TAB2: variants seen among roughly 807,000 people sequenced by gnomAD.
TAB2 encodes the protein TGF-beta-activated kinase 1 and MAP3K7-binding protein 2.
Under a neutral mutation model 65.0 loss-of-function variants are expected in TAB2, and 3 were observed. The observed-to-expected ratio is 0.05, with a 90% CI of 0.02 to 0.12. TAB2 has a LOEUF of 0.12. Among genes scored for constraint, TAB2 ranks in the 10% least tolerant of loss-of-function variants. TAB2 has a pLI of 1.00. For synonymous variants in TAB2, 298 were observed against 285.1 expected (o/e 1.05, Z -0.46); for missense variants, 623 against 840.3 (o/e 0.74, Z 3.20).
chr6:149,360,670 A>AT (rs1780815413), intron 1 of TAB2, among the ~76,000 whole-genome samples: 1 of 152,198 alleles, frequency 6.6e-6, no homozygotes, highest in Middle Eastern at 3.2e-3. Context: ...ATTTCAAAAT[A>AT]TAATCATTCC....
intron 1 of TAB2, among the ~76,000 whole-genome samples, chr6:149,252,650 C>G (rs1777885225): frequency 6.6e-6 from 1 of 152,136 alleles, no homozygotes; most frequent in South Asian, 2.1e-4. Context: ...GATTAAATAT[C>G]TTGACGCCCC....
intron 1 of TAB2, among the ~76,000 whole-genome samples, chr6:149,326,922 A>T (rs1214787230): frequency 1.3e-5 from 2 of 152,210 alleles, no homozygotes; most frequent in East Asian, 1.9e-4. Flanking sequence ...AGAAAACCTA[A>T]CATTTTCACA....
chr6:149,306,423 A>G (rs799385), intron 1 of TAB2, among the ~76,000 whole-genome samples: 62,561 of 151,310 alleles, frequency 0.41, 14,863 homozygotes, highest in African/African-American at 0.67. Flanking sequence ...GGTGGCGGGC[A>G]CCTGTAGTCC....
At chr6:149,400,944 A>G (rs1782384095) in intron 6 of TAB2, 1 of 429,036 alleles carries the variant, frequency 2.3e-6, no homozygotes, top group Non-Finnish European at 4.2e-6. Flanking sequence ...ATGGGAAAAA[A>G]TACTGATTCT....
intron 1 of TAB2, among the ~76,000 whole-genome samples, chr6:149,324,059 A>G (rs1779528969): frequency 6.6e-6 from 1 of 152,192 alleles, no homozygotes. Flanking sequence ...CAGTATAAGA[A>G]TTTGTAGTAT....
intron 1 of TAB2, among the ~76,000 whole-genome samples, chr6:149,328,866 G>A (rs1779696867): frequency 6.6e-6 from 1 of 152,138 alleles, no homozygotes; most frequent in South Asian, 2.1e-4. Flanking sequence ...GGATATGACA[G>A]GGAAATCTTC....
In TAB2 at chr6:149,400,289, C is replaced by T. The variant is rs1447553913; in HGVS notation, c.1939+1105C>T. 7.6e-6 allele frequency: 10 copies of T among 1,317,632 alleles called. 1 individual carries two copies. Among genetic ancestry groups the T allele is most frequent in the African/African-American group, 1.5e-5 (1 of 68,416 alleles). 81.6% of individuals were successfully genotyped at this position (1,317,632 alleles called of 1,614,324 possible). A position where few individuals can be genotyped will look rare whatever the true frequency, so the allele number is the denominator to read the frequency against. ...TGCACGCACCCTCTCCCTCATCCAC[C>T]GCTGTCACCTCCTGCTGCTCTTCCT... On this transcript the variant is annotated intron_variant, in intron 6 of 6. Transcript: ENST00000637181.
chr6:149,284,691 CACAA>C (rs1382310279), intron 1 of TAB2, among the ~76,000 whole-genome samples: 9 of 132,000 alleles, frequency 6.8e-5, no homozygotes, highest in Admixed American at 1.5e-4. Context: ...CACACACACA[CACAA>C]GAATATAAAC....
intron 3 of TAB2, among the ~76,000 whole-genome samples, chr6:149,397,066 A>G (rs1390031515): frequency 6.6e-6 from 1 of 152,256 alleles, no homozygotes; most frequent in Non-Finnish European, 1.5e-5. Context: ...GTCTTCATTC[A>G]TAAAGTGAAT....
At chr6:149,321,397 A>T (rs1219368961) in intron 1 of TAB2, 1 of 152,156 alleles carries the variant, frequency 6.6e-6, no homozygotes, top group Non-Finnish European at 1.5e-5. Flanking sequence ...CTGAGTAAGT[A>T]CTCTTAGGAG....
intron 1 of TAB2, among the ~76,000 whole-genome samples, chr6:149,225,334 T>G (rs1385082583): frequency 1.3e-5 from 2 of 151,816 alleles, no homozygotes; most frequent in Non-Finnish European, 2.9e-5. Flanking sequence ...AATTGGAAGG[T>G]ACTTGACTAG....
chr6:149,351,017 CTT>C (rs1780473132), intron 1 of TAB2, among the ~76,000 whole-genome samples: 2 of 152,062 alleles, frequency 1.3e-5, no homozygotes, highest in Non-Finnish European at 2.9e-5. Context: ...CTTCTTTCCT[CTT>C]TGTCCCTCCT....
rs140751143 is a variant in TAB2, at chr6:149,226,454, C to A, written c.-121+7678C>A. 1.4e-3 allele frequency among the ~76,000 whole-genome samples: 210 copies of A among 152,320 alleles called. 1 individual carries two copies. The highest frequency in any genetic ancestry group is 4.8e-3 in the African/African-American group (199 of 41,556). ...CCAATCCCTATTCCGTGGTCAGTCCCCACCTCCGCAGATACTGCTGTGTGA... is the reference window on the plus strand; with the variant it reads ...CCAATCCCTATTCCGTGGTCAGTCCACACCTCCGCAGATACTGCTGTGTGA... On this transcript the variant is annotated intron_variant, in intron 1 of 1. Coordinates refer to the TAB2 transcript ENST00000606202.
intron 1 of TAB2, among the ~76,000 whole-genome samples, chr6:149,248,371 G>T (rs1430507581): frequency 6.6e-6 from 1 of 150,836 alleles, no homozygotes; most frequent in Admixed American, 6.6e-5. Flanking sequence ...CCGCTTGAGC[G>T]ACAGAGCGAG....
chr6:149,355,915 C>G (rs1425147215), intron 1 of TAB2, among the ~76,000 whole-genome samples: 2 of 152,000 alleles, frequency 1.3e-5, no homozygotes, highest in Non-Finnish European at 2.9e-5. Context: ...AAAGAAACCT[C>G]CTTAACTTTA....
chr6:149,225,140 C>A (rs1452410953), intron 1 of TAB2, among the ~76,000 whole-genome samples: 1 of 152,212 alleles, frequency 6.6e-6, no homozygotes, highest in African/African-American at 2.4e-5. Context: ...ACTGACTCTG[C>A]TTTCAGGAGC....
intron 1 of TAB2, among the ~76,000 whole-genome samples, chr6:149,223,865 A>G (rs1430221874): frequency 6.6e-6 from 1 of 152,082 alleles, no homozygotes; most frequent in African/African-American, 2.4e-5. Flanking sequence ...TATTCCTTTA[A>G]TCTGGCTGAG....
intron 1 of TAB2, among the ~76,000 whole-genome samples, chr6:149,339,676 G>A (rs1162662818): frequency 6.8e-6 from 1 of 147,118 alleles, no homozygotes; most frequent in African/African-American, 2.5e-5. Flanking sequence ...GCAGCCCACT[G>A]CAACCTCCAC....
chr6:149,345,521 A>G (rs1212421995), intron 1 of TAB2, among the ~76,000 whole-genome samples: 2 of 151,796 alleles, frequency 1.3e-5, no homozygotes, highest in African/African-American at 4.8e-5. Context: ...ATAGAGAAAT[A>G]TATAAGGAAT....
Sources: gnomAD v4.1 joint callset for allele counts (sites outside exome capture counted in the v4.1 genomes callset) on GRCh38, gnomAD v4.1.1 for gene constraint, MANE v1.5 for transcripts, NCBI Gene and HGNC (gene_info 2026-07-23, HGNC 2026-07-21) for gene names.